SH3GL2: variants seen among roughly 807,000 people sequenced by gnomAD.
SH3GL2 encodes the protein SH3 domain containing GRB2 like 2, endophilin A1.
Under a neutral mutation model 46.0 loss-of-function variants are expected in SH3GL2, and 24 were observed. That is an observed-to-expected ratio of 0.52 (90% CI 0.38 to 0.73). The LOEUF is 0.73. Among genes scored for constraint, SH3GL2 ranks in the 30% least tolerant of loss-of-function variants. The pLI, the probability that SH3GL2 is intolerant of heterozygous loss-of-function variation, is 0.00. For missense variants in SH3GL2, 413 were observed against 424.2 expected (o/e 0.97, Z 0.23); for synonymous variants, 196 against 147.1 (o/e 1.33, Z -2.40).
At chr9:17,607,172 A>G (rs937245983) in intron 1 of SH3GL2, among the ~76,000 whole-genome samples, 1 of 152,216 alleles carries the variant, frequency 6.6e-6, no homozygotes, top group Non-Finnish European at 1.5e-5. Context: ...AATTGTGTGA[A>G]CATCCTAGAG....
intron 1 of SH3GL2, among the ~76,000 whole-genome samples, chr9:17,669,557 TTTCTC>T (rs1259598937): frequency 3.3e-5 from 5 of 152,190 alleles, no homozygotes; most frequent in African/African-American, 7.2e-5. Context: ...TAAAACATCT[TTTCTC>T]AGTGCAGTTT....
At chr9:17,753,618 A>G (rs1401340080) in intron 2 of SH3GL2, among the ~76,000 whole-genome samples, 6 of 152,018 alleles carry the variant, frequency 3.9e-5, no homozygotes, top group East Asian at 1.9e-4. Flanking sequence ...CTCTCATTCT[A>G]TAGCTTGTCT....
chr9:17,624,600 T>G (rs1213085701), intron 1 of SH3GL2, among the ~76,000 whole-genome samples: 1 of 152,230 alleles, frequency 6.6e-6, no homozygotes, highest in Non-Finnish European at 1.5e-5. Flanking sequence ...GTACTCAATT[T>G]GAGCCCTCAA....
At chr9:17,637,950 A>C (rs1647665771) in intron 1 of SH3GL2, among the ~76,000 whole-genome samples, 1 of 152,068 alleles carries the variant, frequency 6.6e-6, no homozygotes, top group African/African-American at 2.4e-5. Context: ...AGGTCAGGAG[A>C]TCGAGACCAT....
intron 1 of SH3GL2, among the ~76,000 whole-genome samples, chr9:17,599,935 CCTAT>C (rs980995749): frequency 2.0e-5 from 3 of 150,264 alleles, no homozygotes; most frequent in African/African-American, 7.5e-5. Flanking sequence ...TCTAAGACTG[CCTAT>C]CTTTTTTTTT....
intron 1 of SH3GL2, among the ~76,000 whole-genome samples, chr9:17,612,856 G>A (rs1343652499): frequency 3.9e-5 from 6 of 152,126 alleles, no homozygotes; most frequent in African/African-American, 7.2e-5. Context: ...CCTTGCTTCC[G>A]AGAAGCCCCT....
intron 1 of SH3GL2, among the ~76,000 whole-genome samples, chr9:17,677,530 C>CT (rs1563808119): frequency 6.6e-6 from 1 of 151,914 alleles, no homozygotes; most frequent in Non-Finnish European, 1.5e-5. Flanking sequence ...CACCAAATCT[C>CT]TTTTTTTAAA....
At chr9:17,617,489 C>T (rs1308958543) in intron 1 of SH3GL2, among the ~76,000 whole-genome samples, 1 of 152,072 alleles carries the variant, frequency 6.6e-6, no homozygotes, top group African/African-American at 2.4e-5. Flanking sequence ...CTTGGAGCTT[C>T]CTAAAATAAC....
chr9:17,691,892 C>A (rs750020125), intron 1 of SH3GL2, among the ~76,000 whole-genome samples: 1 of 152,002 alleles, frequency 6.6e-6, no homozygotes, highest in Non-Finnish European at 1.5e-5. Flanking sequence ...GCCTGATGTT[C>A]TTTGAGAGTA....
intron 1 of SH3GL2, among the ~76,000 whole-genome samples, chr9:17,729,807 T>TCA (rs1345123150): frequency 2.0e-5 from 3 of 152,064 alleles, no homozygotes; most frequent in Non-Finnish European, 4.4e-5. Flanking sequence ...TCTGTTCTGT[T>TCA]CATTGGTCTA....
intron 1 of SH3GL2, among the ~76,000 whole-genome samples, chr9:17,713,560 G>T (rs1821681960): frequency 6.6e-6 from 1 of 151,396 alleles, no homozygotes; most frequent in Admixed American, 6.6e-5. Context: ...TACTGTGGTA[G>T]TGTCATTCCA....
chr9:17,717,901 G>T (rs1821800864), intron 1 of SH3GL2, among the ~76,000 whole-genome samples: 1 of 152,034 alleles, frequency 6.6e-6, no homozygotes, highest in Non-Finnish European at 1.5e-5. Context: ...CGGTGTTAAG[G>T]TTCTGTGTGA....
intron 1 of SH3GL2, among the ~76,000 whole-genome samples, chr9:17,686,487 C>G (rs1441281930): frequency 2.1e-5 from 3 of 145,886 alleles, no homozygotes; most frequent in Non-Finnish European, 3.0e-5. Context: ...GACACATGCA[C>G]ACGTATGTTT....
chr9:17,681,966 C>A (rs1274345277), intron 1 of SH3GL2, among the ~76,000 whole-genome samples: 1 of 151,984 alleles, frequency 6.6e-6, no homozygotes, highest in Non-Finnish European at 1.5e-5. Context: ...TGAAAAAAAG[C>A]TGAACATCAG....
chr9:17,652,005 G>A (rs1282970148), intron 1 of SH3GL2, among the ~76,000 whole-genome samples: 1 of 152,054 alleles, frequency 6.6e-6, no homozygotes, highest in Non-Finnish European at 1.5e-5. Flanking sequence ...ATACCACTTA[G>A]TGGTTCATTA....
chr9:17,642,837 T>C (rs1051720216), intron 1 of SH3GL2, among the ~76,000 whole-genome samples: 4 of 152,168 alleles, frequency 2.6e-5, no homozygotes, highest in African/African-American at 9.7e-5. Context: ...ATATGGACTT[T>C]TTTGGTTCCA....
Position 17,775,121 on chromosome 9 carries a change from G to A in SH3GL2, c.188-11260G>A, listed in dbSNP as rs1033575574. Among the ~76,000 whole-genome samples the A allele has an allele frequency of 2.0e-5, 3 of 150,884 alleles. No individual in the cohort carries two copies. In the East Asian group the frequency reaches 5.8e-4, roughly 29 times the overall value. ...CTTATTTACTTGTGTAGATCAGAAT[G>A]AATATCCCCACTTTTTATTTCTGAT... On this transcript the variant is annotated intron_variant, in intron 3 of 8. Coordinates refer to ENST00000380607, the MANE Select transcript of SH3GL2 (RefSeq NM_003026.5).
chr9:17,649,310 A>G (rs901733398), intron 1 of SH3GL2, among the ~76,000 whole-genome samples: 3 of 152,262 alleles, frequency 2.0e-5, no homozygotes, highest in Non-Finnish European at 4.4e-5. Context: ...TAAGCGAACC[A>G]CCTGCCTTGG....
chr9:17,614,267 T>C (rs1308512248), intron 1 of SH3GL2, among the ~76,000 whole-genome samples: 1 of 127,820 alleles, frequency 7.8e-6, no homozygotes, highest in African/African-American at 2.9e-5. Flanking sequence ...TATTTGTGTG[T>C]GTGTGACAGG....
Sources: gnomAD v4.1 joint callset for allele counts (sites outside exome capture counted in the v4.1 genomes callset) on GRCh38, gnomAD v4.1.1 for gene constraint, MANE v1.5 for transcripts, NCBI Gene and HGNC (gene_info 2026-07-23, HGNC 2026-07-21) for gene names.